Variants in CDH12 observed in about 807,000 individuals in gnomAD.
The protein encoded by CDH12 is cadherin 12.
CDH12 carries 41 observed loss-of-function variants against 74.1 expected under a neutral mutation model. The ratio of observed to expected loss-of-function variants is 0.55; its 90% confidence interval spans 0.43 to 0.72. The LOEUF (loss-of-function observed/expected upper bound fraction) is 0.72. CDH12 is among the 30% of genes least tolerant of loss of function. The probability of loss-of-function intolerance (pLI) is 0.00; values close to 1 mark genes in which losing one functional copy is unlikely to be tolerated. For synonymous variants in CDH12, 399 were observed against 355.0 expected (o/e 1.12, Z -1.39); for missense variants, 945 against 977.2 (o/e 0.97, Z 0.44).
At chr5:22,242,616 A>C (rs1054968791) in intron 3 of CDH12, among the ~76,000 whole-genome samples, 1 of 152,162 alleles carries the variant, frequency 6.6e-6, no homozygotes, top group African/African-American at 2.4e-5. Flanking sequence ...TTCTAGCAGA[A>C]GATTGGAAGC....
rs373604419 is a variant in CDH12, at chr5:21,757,395, C to T, written c.1634-1553G>A. 7.8e-4 allele frequency among the ~76,000 whole-genome samples: 119 copies of T among 152,142 alleles called. 4 individuals carry two copies. In the South Asian group the frequency reaches 0.023, roughly 30 times the overall value. ...TTCACCATGTTGGCCAGGCTGGTCT[C>T]GAACTTCTGACCTCAGGTGATCTGT... On this transcript the variant is annotated intron_variant, in intron 13 of 14. Coordinates refer to ENST00000382254, the MANE Select transcript of CDH12 (RefSeq NM_004061.5).
At chr5:22,186,963 G>T (rs914686617) in intron 4 of CDH12, among the ~76,000 whole-genome samples, 7 of 151,972 alleles carry the variant, frequency 4.6e-5, no homozygotes, top group African/African-American at 1.7e-4. Flanking sequence ...AATACTTAAA[G>T]TACAGTTTTA....
intron 6 of CDH12, among the ~76,000 whole-genome samples, chr5:21,948,001 T>A (rs1755657045): frequency 6.6e-6 from 1 of 152,214 alleles, no homozygotes; most frequent in Admixed American, 6.5e-5. Context: ...ATGTTGGGCC[T>A]GAGGGTACAC....
At chr5:21,887,457 A>G (rs7701683) in intron 6 of CDH12, among the ~76,000 whole-genome samples, 146,741 of 152,232 alleles carry the variant, frequency 0.96, 70,949 homozygotes, top group Non-Finnish European at 1. Context: ...AACACTTCTG[A>G]TGAATAGACA....
intron 3 of CDH12, among the ~76,000 whole-genome samples, chr5:22,375,290 A>G (rs1741472248): frequency 6.6e-6 from 1 of 152,160 alleles, no homozygotes. Context: ...CATAAAATTC[A>G]ATTCAATATA....
chr5:21,892,035 T>C (rs1405640992), intron 6 of CDH12, among the ~76,000 whole-genome samples: 1 of 152,208 alleles, frequency 6.6e-6, no homozygotes, highest in African/African-American at 2.4e-5. Flanking sequence ...CAAGCTCATA[T>C]AACACGTTCA....
chr5:22,409,268 A>G (rs998352567), intron 2 of CDH12, among the ~76,000 whole-genome samples: 1 of 152,018 alleles, frequency 6.6e-6, no homozygotes, highest in Non-Finnish European at 1.5e-5. Context: ...CTGCTTACAT[A>G]TGGTTTCACT....
chr5:22,563,723 A>G (rs972256208), intron 1 of CDH12, among the ~76,000 whole-genome samples: 1 of 152,168 alleles, frequency 6.6e-6, no homozygotes, highest in Admixed American at 6.5e-5. Flanking sequence ...CAATTTACAA[A>G]AGAGGTTCAT....
rs148596209 is a variant in CDH12, at chr5:22,077,130, T to C, written c.231+1316A>G. On this transcript the variant is annotated intron_variant, in intron 5 of 14. Transcript: ENST00000382254. ...GACTGGATGACCAGAATGGTACTTA[T>C]GGGCTGATTTGATTTGGGGTGACTC... Among the ~76,000 whole-genome samples, 1,138 of 152,008 alleles carry C rather than the reference T, an allele frequency of 7.5e-3. 12 individuals are homozygous for C. The highest frequency in any genetic ancestry group is 0.025 in the African/African-American group (1,039 of 41,478).
chr5:21,938,062 T>C (rs140646652), intron 6 of CDH12, among the ~76,000 whole-genome samples: 114 of 152,328 alleles, frequency 7.5e-4, no homozygotes, highest in Non-Finnish European at 1.3e-3. Flanking sequence ...TGATCCTTGA[T>C]AGAGCTGTTT....
intron 2 of CDH12, among the ~76,000 whole-genome samples, chr5:22,475,966 C>T (rs758221438): frequency 6.6e-6 from 1 of 151,926 alleles, no homozygotes; most frequent in African/African-American, 2.4e-5. Flanking sequence ...TGAGAAACTG[C>T]CTTCCATCTA....
At chr5:22,227,416 C>T (rs960553641) in intron 3 of CDH12, among the ~76,000 whole-genome samples, 10 of 152,086 alleles carry the variant, frequency 6.6e-5, no homozygotes, top group Admixed American at 6.6e-4. Context: ...TCAATAATTA[C>T]TCAATTTTGA....
At chr5:21,858,954 C>T (rs1292405070) in intron 6 of CDH12, among the ~76,000 whole-genome samples, 1 of 151,852 alleles carries the variant, frequency 6.6e-6, no homozygotes, top group East Asian at 1.9e-4. Flanking sequence ...TATGGATTCC[C>T]TTACATATGT....
intron 2 of CDH12, among the ~76,000 whole-genome samples, chr5:22,476,583 C>G (rs930175235): frequency 1.3e-5 from 2 of 152,050 alleles, no homozygotes; most frequent in South Asian, 4.1e-4. Context: ...CTGCTGACTA[C>G]ATAGTATTGT....
At chr5:22,737,272 C>A (rs905298462) in intron 1 of CDH12, among the ~76,000 whole-genome samples, 1 of 151,820 alleles carries the variant, frequency 6.6e-6, no homozygotes, top group South Asian at 2.1e-4. Context: ...CAAGATACAT[C>A]ATAAAATGAA....
At chr5:22,805,358 A>G (rs1394459759) in intron 1 of CDH12, among the ~76,000 whole-genome samples, 1 of 152,158 alleles carries the variant, frequency 6.6e-6, no homozygotes, top group Non-Finnish European at 1.5e-5. Context: ...ACCCATTTAA[A>G]CAAAATTTCT....
intron 6 of CDH12, among the ~76,000 whole-genome samples, chr5:21,937,987 A>G (rs1158501630): frequency 6.6e-6 from 1 of 152,132 alleles, no homozygotes; most frequent in Non-Finnish European, 1.5e-5. Context: ...ACCTTCCATA[A>G]AACTGCAGGA....
chr5:22,050,564 T>A (rs1036075773), intron 5 of CDH12, among the ~76,000 whole-genome samples: 2 of 152,152 alleles, frequency 1.3e-5, no homozygotes, highest in African/African-American at 4.8e-5. Flanking sequence ...AGTTAGATAC[T>A]TCTAAACAAA....
intron 1 of CDH12, among the ~76,000 whole-genome samples, chr5:22,568,697 G>A (rs1369590986): frequency 2.0e-5 from 3 of 152,182 alleles, no homozygotes; most frequent in South Asian, 4.1e-4. Flanking sequence ...TGGAGACATT[G>A]TGGGTTTGGT....
Sources: gnomAD v4.1 joint callset for allele counts (sites outside exome capture counted in the v4.1 genomes callset) on GRCh38, gnomAD v4.1.1 for gene constraint, MANE v1.5 for transcripts, NCBI Gene and HGNC (gene_info 2026-07-23, HGNC 2026-07-21) for gene names.